Variants in CMTM8 observed in about 807,000 individuals in gnomAD.
The protein encoded by CMTM8 is CKLF-like MARVEL transmembrane domain-containing protein 8.
A neutral mutation model predicts 18.6 loss-of-function variants in CMTM8; 12 were observed. The observed-to-expected ratio is 0.65, with a 90% CI of 0.41 to 1.05. CMTM8 has a LOEUF of 1.05. Among genes scored for constraint, CMTM8 ranks in the 50% least tolerant of loss-of-function variants. The pLI is 0.00. For synonymous variants in CMTM8, 87 were observed against 90.6 expected (o/e 0.96, Z 0.23); for missense variants, 217 against 227.2 (o/e 0.95, Z 0.29).
At position 32,340,334 on chromosome 3, in the gene CMTM8, C is replaced by T. The variant is rs577921370; in HGVS notation, c.148-17039C>T. On this transcript the variant is annotated intron_variant, in intron 1 of 3. Coordinates refer to ENST00000307526, the MANE Select transcript of CMTM8 (RefSeq NM_178868.5). Reference sequence around the variant, plus strand: ...CCATGCTTGCTAAACAGAAGGGCTCCGAACCTGGGATGAGAGTGGAGGTGA... The same window carrying T: ...CCATGCTTGCTAAACAGAAGGGCTCTGAACCTGGGATGAGAGTGGAGGTGA... Among the ~76,000 whole-genome samples the T allele has an allele frequency of 3.1e-4, 47 of 152,222 alleles. No homozygotes were observed. The South Asian group carries it at 8.7e-3, about 28-fold the overall frequency.
intron 1 of CMTM8, among the ~76,000 whole-genome samples, chr3:32,316,686 C>A (rs1695939000): frequency 1.3e-5 from 2 of 152,032 alleles, no homozygotes; most frequent in East Asian, 3.9e-4. Flanking sequence ...CCCCCTAAAA[C>A]AGCAGCAATT....
At chr3:32,344,843 T>C (rs1696563726) in intron 1 of CMTM8, among the ~76,000 whole-genome samples, 1 of 151,968 alleles carries the variant, frequency 6.6e-6, no homozygotes, top group Non-Finnish European at 1.5e-5. Context: ...TGCAGTGAGC[T>C]GTAATTGCAC....
chr3:32,347,511 ACGGGG>A (rs1189237287), intron 1 of CMTM8, among the ~76,000 whole-genome samples: 1 of 146,158 alleles, frequency 6.8e-6, no homozygotes, highest in Non-Finnish European at 1.5e-5. Flanking sequence ...GGGGGCAGGG[ACGGGG>A]GCTTTACACA....
At chr3:32,362,639 G>A (rs1343363235) in intron 2 of CMTM8, among the ~76,000 whole-genome samples, 1 of 152,176 alleles carries the variant, frequency 6.6e-6, no homozygotes, top group Non-Finnish European at 1.5e-5. Context: ...GCCATCCTGA[G>A]CAGGAAGTGC....
intron 1 of CMTM8, among the ~76,000 whole-genome samples, chr3:32,249,030 C>CTTTTTTTTTTTT (rs58156524): frequency 1.6e-5 from 1 of 62,462 alleles, no homozygotes; most frequent in African/African-American, 6.8e-5. Context: ...AATGTGGAAT[C>CTTTTTTTTTTTT]TTTTTTTTTT....
intron 1 of CMTM8, among the ~76,000 whole-genome samples, chr3:32,332,480 G>A (rs994163189): frequency 6.6e-6 from 1 of 152,096 alleles, no homozygotes; most frequent in Admixed American, 6.6e-5. Flanking sequence ...TGAGGGGTGG[G>A]GAGCTTGGAG....
intron 1 of CMTM8, among the ~76,000 whole-genome samples, chr3:32,258,221 TATC>T (rs1702202090): frequency 6.6e-6 from 1 of 152,136 alleles, no homozygotes; most frequent in African/African-American, 2.4e-5. Flanking sequence ...CTCCCTTGCT[TATC>T]ATAGTTTGTT....
chr3:32,354,270 T>C (rs1283982006), intron 1 of CMTM8, among the ~76,000 whole-genome samples: 4 of 152,234 alleles, frequency 2.6e-5, no homozygotes, highest in Non-Finnish European at 4.4e-5. Flanking sequence ...GAGTAACATT[T>C]TTGAAGACTG....
At chr3:32,306,395 G>A (rs1422120424) in intron 1 of CMTM8, among the ~76,000 whole-genome samples, 1 of 152,208 alleles carries the variant, frequency 6.6e-6, no homozygotes, top group Non-Finnish European at 1.5e-5. Context: ...TTCAAAGTGT[G>A]GGGAAATAGA....
At chr3:32,252,482 C>G (rs1234705681) in intron 1 of CMTM8, among the ~76,000 whole-genome samples, 1 of 152,130 alleles carries the variant, frequency 6.6e-6, no homozygotes, top group Non-Finnish European at 1.5e-5. Flanking sequence ...TTTCTGATGC[C>G]AAATCTTACC....
intron 1 of CMTM8, among the ~76,000 whole-genome samples, chr3:32,319,075 T>TATA (rs1553605531): frequency 7.9e-4 from 20 of 25,250 alleles, no homozygotes; most frequent in East Asian, 2.1e-3. Context: ...TATATATATA[T>TATA]TTTTTTTTTT....
chr3:32,309,514 G>C (rs1224210532), intron 1 of CMTM8, among the ~76,000 whole-genome samples: 1 of 151,718 alleles, frequency 6.6e-6, no homozygotes, highest in Non-Finnish European at 1.5e-5. Context: ...TGCCGTCTTG[G>C]CCAGGCTGGT....
chr3:32,270,092 A>C (rs1011290670), intron 1 of CMTM8, among the ~76,000 whole-genome samples: 10 of 150,640 alleles, frequency 6.6e-5, no homozygotes, highest in Non-Finnish European at 1.3e-4. Flanking sequence ...AATTAAAAAA[A>C]ATTTTTTTGT....
intron 1 of CMTM8, among the ~76,000 whole-genome samples, chr3:32,329,151 C>T (rs1199889856): frequency 1.3e-5 from 2 of 152,176 alleles, no homozygotes; most frequent in Admixed American, 1.3e-4. Context: ...CTGCAACCTC[C>T]ACTTCGCAGG....
chr3:32,267,212 T>C (rs1212836444), intron 1 of CMTM8, among the ~76,000 whole-genome samples: 1 of 152,188 alleles, frequency 6.6e-6, no homozygotes, highest in African/African-American at 2.4e-5. Flanking sequence ...CCTACAAGGC[T>C]ACAGTAACCA....
intron 1 of CMTM8, among the ~76,000 whole-genome samples, chr3:32,284,077 C>T (rs1304745935): frequency 6.6e-6 from 1 of 152,128 alleles, no homozygotes; most frequent in African/African-American, 2.4e-5. Flanking sequence ...CATGGTGAAA[C>T]CCTGTCTCTA....
intron 1 of CMTM8, among the ~76,000 whole-genome samples, chr3:32,252,244 C>G (rs1486812400): frequency 6.6e-6 from 1 of 152,276 alleles, no homozygotes; most frequent in African/African-American, 2.4e-5. Flanking sequence ...TTTCTTAACC[C>G]TATCTTGTTC....
At chr3:32,308,524 A>G (rs1243707361) in intron 1 of CMTM8, among the ~76,000 whole-genome samples, 1 of 152,152 alleles carries the variant, frequency 6.6e-6, no homozygotes, top group Non-Finnish European at 1.5e-5. Flanking sequence ...TGGAAAGGGC[A>G]CTGGCATGAG....
intron 1 of CMTM8, among the ~76,000 whole-genome samples, chr3:32,241,791 A>G (rs948340114): frequency 2.0e-5 from 3 of 152,184 alleles, no homozygotes; most frequent in Non-Finnish European, 4.4e-5. Flanking sequence ...ACCACTTACA[A>G]CTGACCCAGT....
Sources: allele counts gnomAD v4.1 joint callset (sites outside exome capture counted in the v4.1 genomes callset), GRCh38; gene constraint gnomAD v4.1.1; transcripts MANE v1.5; gene names NCBI Gene and HGNC (gene_info 2026-07-23, HGNC 2026-07-21).